The following CRACD variants were observed in gnomAD, a reference collection of about 807,000 sequenced individuals.
CRACD encodes the protein capping protein inhibiting regulator of actin dynamics, also known as capping protein-inhibiting regulator of actin dynamics.
CRACD carries 56 observed loss-of-function variants against 106.8 expected under a neutral mutation model. That is an observed-to-expected ratio of 0.52 (90% confidence interval 0.42 to 0.66). The LOEUF (loss-of-function observed/expected upper bound fraction) is 0.66. Ranked by LOEUF, CRACD falls within the 30% of genes least tolerant of loss-of-function variation. The probability of loss-of-function intolerance (pLI) is 0.00; values close to 1 mark genes in which losing one functional copy is unlikely to be tolerated. For missense variants in CRACD, 1,730 were observed against 1,623.2 expected, an observed-to-expected ratio of 1.07 and a Z score of -1.13; for synonymous variants, 754 against 670.8, an observed-to-expected ratio of 1.12 and a Z score of -1.92.
At chr4:56,230,830 A>G (rs2109534271) in intron 2 of CRACD, among the ~76,000 whole-genome samples, 1 of 152,338 alleles carries the variant, frequency 6.6e-6, no homozygotes, top group East Asian at 1.9e-4. Flanking sequence ...CTACAACTAC[A>G]ACAAAATATA....
chr4:56,151,895 C>T (rs1735591805), intron 1 of CRACD, among the ~76,000 whole-genome samples: 2 of 152,162 alleles, frequency 1.3e-5, no homozygotes, highest in Non-Finnish European at 2.9e-5. Flanking sequence ...TCTGTGTTCT[C>T]ATTGCACCCT....
At chr4:56,237,721 TACACACAC>T (rs36207795) in intron 2 of CRACD, among the ~76,000 whole-genome samples, 31,649 of 144,118 alleles carry the variant, frequency 0.22, 3,363 homozygotes, top group Non-Finnish European at 0.23. Context: ...AGATATTACA[TACACACAC>T]ACACACACAC....
rs1315175815 is a variant in CRACD, at chr4:56,314,127, G to A, written c.625G>A (p.Glu209Lys). 5.0e-6 allele frequency: 8 copies of A among 1,614,058 alleles called. No homozygotes were observed. The highest frequency in any genetic ancestry group is 3.3e-5 in the Admixed American group (2 of 60,010). ...AGGCGAGGACAAGCCAACGTGGCAC[G>A]AAGAGGAACCCAATCCGCTGGATTC... ...HPGEDKPTWH[E>K]EEPNPLDSEE... Residue 209 changes from glutamate to lysine, a missense_variant, in exon 8 of 11, where the codon GAA becomes AAA. Glu to Lys is a moderately conservative substitution (Grantham distance 56). Around this residue, in one of 5 missense-constraint regions of CRACD, gnomAD observed 1,620 missense variants for 1,481.6 expected, o/e 1.09. Transcript: ENST00000682029. This position sits in a 1 kb window ranked among gnomAD's most constrained non-coding sequence, Gnocchi z 4.4.
At chr4:56,217,769 G>C (rs1481854318) in intron 2 of CRACD, among the ~76,000 whole-genome samples, 2 of 152,192 alleles carry the variant, frequency 1.3e-5, no homozygotes, top group Non-Finnish European at 2.9e-5. Flanking sequence ...ACTTTCCCTC[G>C]AGGCCTGAAT....
At position 56,313,182 on chromosome 4, in the gene CRACD, T is replaced by C. The variant is rs900388893; in HGVS notation, c.355-15T>C. 20 of 1,604,204 alleles carry C rather than the reference T, an allele frequency of 1.2e-5. No individual in the cohort carries two copies. The South Asian group carries it at 2.1e-4, about 17-fold the overall frequency. ...TCTGATCCCAACTGACTTTCTATTT[T>C]AATCTCCCCTACAGGTTGCTCCCGT... On this transcript the variant is annotated splice_polypyrimidine_tract_variant and intron_variant, in intron 6 of 10. Transcript: ENST00000682029.
At chr4:56,254,417 C>A (rs1296917652) in intron 2 of CRACD, among the ~76,000 whole-genome samples, 1 of 148,328 alleles carries the variant, frequency 6.7e-6, no homozygotes, top group African/African-American at 2.5e-5. Context: ...TTTTTCTGTT[C>A]TCAGGTATCA....
chr4:56,152,679 G>A (rs1459033625), intron 1 of CRACD, among the ~76,000 whole-genome samples: 2 of 151,816 alleles, frequency 1.3e-5, no homozygotes, highest in East Asian at 2.0e-4. Flanking sequence ...CAGCCTGGGC[G>A]ACAGAGTGAG....
At chr4:56,078,389 C>G (rs964767672) in intron 1 of CRACD, among the ~76,000 whole-genome samples, 3 of 152,068 alleles carry the variant, frequency 2.0e-5, no homozygotes, top group Admixed American at 2.0e-4. Flanking sequence ...AAGTACAGAA[C>G]AGGATACCAT....
At chr4:56,274,489 G>T (rs946444024) in intron 3 of CRACD, among the ~76,000 whole-genome samples, 1 of 152,170 alleles carries the variant, frequency 6.6e-6, no homozygotes, top group Non-Finnish European at 1.5e-5. Context: ...GACCCTGGAG[G>T]TTCTCTTCCC....
intron 1 of CRACD, among the ~76,000 whole-genome samples, chr4:56,176,163 G>C (rs544786068): frequency 6.6e-6 from 1 of 152,244 alleles, no homozygotes; most frequent in South Asian, 2.1e-4. Context: ...CCAGTACCAT[G>C]CTGTTTTAGA....
At chr4:56,189,232 T>G (rs1368637535) in intron 2 of CRACD, among the ~76,000 whole-genome samples, 1 of 151,640 alleles carries the variant, frequency 6.6e-6, no homozygotes, top group African/African-American at 2.4e-5. Context: ...TGTGATTCAG[T>G]GACTTCAGTG....
chr4:56,243,206 A>C (rs1740469916), intron 2 of CRACD, among the ~76,000 whole-genome samples: 1 of 152,154 alleles, frequency 6.6e-6, no homozygotes, highest in South Asian at 2.1e-4. Context: ...CTTAAAAGAA[A>C]TCTGTTTGTC....
intron 2 of CRACD, among the ~76,000 whole-genome samples, chr4:56,211,701 T>C (rs1738418811): frequency 6.6e-6 from 1 of 152,104 alleles, no homozygotes; most frequent in Admixed American, 6.5e-5. Context: ...CGCGTGCTGA[T>C]TGGTTTGTGA....
At chr4:56,228,701 G>A (rs1280572386) in intron 2 of CRACD, among the ~76,000 whole-genome samples, 2 of 152,000 alleles carry the variant, frequency 1.3e-5, no homozygotes, top group East Asian at 3.9e-4. Context: ...TCGGAGAGAA[G>A]GTCAGACAGA....
chr4:56,243,403 T>C (rs532117634), intron 2 of CRACD, among the ~76,000 whole-genome samples: 1 of 152,294 alleles, frequency 6.6e-6, no homozygotes, highest in South Asian at 2.1e-4. Flanking sequence ...CCTGTGCCAC[T>C]CATCAATGTA....
intron 1 of CRACD, among the ~76,000 whole-genome samples, chr4:56,116,445 A>T (rs1302442827): frequency 2.6e-5 from 4 of 152,118 alleles, no homozygotes; most frequent in Non-Finnish European, 5.9e-5. Context: ...TCAATGATAG[A>T]TCCTTCTCCT....
chr4:56,087,725 A>G (rs1733277710), intron 1 of CRACD, among the ~76,000 whole-genome samples: 1 of 152,092 alleles, frequency 6.6e-6, no homozygotes, highest in African/African-American at 2.4e-5. Flanking sequence ...GACATCACAA[A>G]ATTCAATGTA....
intron 2 of CRACD, among the ~76,000 whole-genome samples, chr4:56,254,275 G>A (rs940073522): frequency 6.6e-6 from 1 of 152,190 alleles, no homozygotes; most frequent in Non-Finnish European, 1.5e-5. Context: ...AACTGTGTCA[G>A]TGCAACGGAG....
intron 1 of CRACD, among the ~76,000 whole-genome samples, chr4:56,117,903 C>A (rs1197547852): frequency 6.6e-6 from 1 of 151,958 alleles, no homozygotes; most frequent in East Asian, 1.9e-4. Context: ...GGATTACAGG[C>A]GCCTGCCACC....
Sources: gnomAD v4.1 joint callset for allele counts (sites outside exome capture counted in the v4.1 genomes callset) on GRCh38, gnomAD v4.1.1 for gene constraint, gnomAD v4.1.1 regional missense constraint, Gnocchi (gnomAD v3.1) non-coding constraint, MANE v1.5 for transcripts, NCBI Gene and HGNC (gene_info 2026-07-23, HGNC 2026-07-21) for gene names.